GASK1A: variants seen among roughly 807,000 people sequenced by gnomAD.
The protein encoded by GASK1A is Golgi-associated kinase 1A.
GASK1A carries 40 observed loss-of-function variants against 41.2 expected under a neutral mutation model. That is an observed-to-expected ratio of 0.97 (90% CI 0.75 to 1.27). GASK1A has a LOEUF of 1.27. Ranked by LOEUF, GASK1A falls within the 50% of genes most tolerant of loss-of-function variation. The pLI, the probability that GASK1A is intolerant of heterozygous loss-of-function variation, is 0.00. For missense variants in GASK1A, 678 were observed against 745.1 expected (o/e 0.91, Z 1.05); for synonymous variants, 316 against 307.1 (o/e 1.03, Z -0.30).
At chr3:43,055,572 C>T in intron 4 of GASK1A, 37 bp downstream of exon 4, 4 of 1,432,922 alleles carry the variant, frequency 2.8e-6, no homozygotes, top group Non-Finnish European at 3.8e-6. Flanking sequence ...GTTCATGGGA[C>T]TGAGACCTGA....
At chr3:43,046,388 T>C (rs946118614) in intron 2 of GASK1A, among the ~76,000 whole-genome samples, 5 of 152,312 alleles carry the variant, frequency 3.3e-5, no homozygotes, top group Admixed American at 2.6e-4. Flanking sequence ...CTGTGGAACT[T>C]TGAACTTGAG....
chr3:43,023,772 A>G (rs1418080489), intron 1 of GASK1A, among the ~76,000 whole-genome samples: 2 of 152,224 alleles, frequency 1.3e-5, no homozygotes, highest in Non-Finnish European at 1.5e-5. Flanking sequence ...TATAGAAAAG[A>G]GGCTCAGACC....
chr3:43,034,596 G>T (rs2089595966), intron 2 of GASK1A, among the ~76,000 whole-genome samples: 1 of 152,208 alleles, frequency 6.6e-6, no homozygotes, highest in Admixed American at 6.5e-5. Flanking sequence ...AGAGACCCCT[G>T]TTGAAGAAAA....
chr3:43,022,520 C>T (rs1349905829), intron 1 of GASK1A, among the ~76,000 whole-genome samples: 2 of 151,768 alleles, frequency 1.3e-5, no homozygotes, highest in Non-Finnish European at 1.5e-5. Context: ...GCCAACTTGT[C>T]CATGGCCATT....
intron 1 of GASK1A, among the ~76,000 whole-genome samples, chr3:42,999,914 T>A (rs2089400390): frequency 6.6e-6 from 1 of 152,198 alleles, no homozygotes; most frequent in African/African-American, 2.4e-5. Context: ...CATTCTAGTC[T>A]CCGCTTTCAT....
chr3:43,056,530 G>A lies in GASK1A; in HGVS notation c.*144G>A. 1.4e-6 allele frequency: 1 copy of A among 704,246 alleles called. No homozygotes were observed. The highest frequency in any genetic ancestry group is 2.3e-6 in the Non-Finnish European group (1 of 434,654). The allele number at this position is 704,246 out of a possible 1,614,324, so 43.6% of individuals were successfully genotyped here. A position where few individuals can be genotyped will look rare whatever the true frequency, so the allele number is the denominator to read the frequency against. ...GATATTTCACCTGCCTGGGATGGTGGAGGTAGTATGGGGTTTTCAATCTCA... is the reference window on the plus strand; with the variant it reads ...GATATTTCACCTGCCTGGGATGGTGAAGGTAGTATGGGGTTTTCAATCTCA... On this transcript the variant is annotated 3_prime_UTR_variant, in exon 5 of 5. Coordinates refer to ENST00000430121, the MANE Select transcript of GASK1A (RefSeq NM_001129908.3).
intron 1 of GASK1A, among the ~76,000 whole-genome samples, chr3:42,987,863 G>A (rs377283357): frequency 2.0e-5 from 3 of 152,006 alleles, no homozygotes; most frequent in East Asian, 1.9e-4. Context: ...GCTGGGCATG[G>A]TGGTGGGTGC....
At chr3:43,014,859 G>A (rs1263849646) in intron 1 of GASK1A, among the ~76,000 whole-genome samples, 1 of 152,166 alleles carries the variant, frequency 6.6e-6, no homozygotes, top group East Asian at 1.9e-4. Context: ...GGGGCTGTGT[G>A]AAGCCAAAGG....
At chr3:43,040,810 A>C (rs1038500499) in intron 2 of GASK1A, among the ~76,000 whole-genome samples, 4 of 150,652 alleles carry the variant, frequency 2.7e-5, no homozygotes, top group African/African-American at 4.9e-5. Flanking sequence ...TATACATGTG[A>C]CATGCTGGTG....
At chr3:43,023,967 G>A (rs1041951038) in intron 1 of GASK1A, among the ~76,000 whole-genome samples, 4 of 152,206 alleles carry the variant, frequency 2.6e-5, no homozygotes, top group African/African-American at 9.6e-5. Flanking sequence ...GGGACCGGCA[G>A]TACACAGGAG....
chr3:42,982,397 A>G (rs1300660403), intron 1 of GASK1A, among the ~76,000 whole-genome samples: 1 of 152,220 alleles, frequency 6.6e-6, no homozygotes, highest in Non-Finnish European at 1.5e-5. Flanking sequence ...AGGAACCATG[A>G]TTATCATTTT....
At chr3:42,992,961 A>G (rs1044665768) in intron 1 of GASK1A, among the ~76,000 whole-genome samples, 11 of 152,202 alleles carry the variant, frequency 7.2e-5, no homozygotes, top group African/African-American at 2.7e-4. Context: ...GCCTTATTTG[A>G]GCAGTTTGAA....
At chr3:43,026,207 G>A (rs1390112918) in intron 1 of GASK1A, among the ~76,000 whole-genome samples, 1 of 152,216 alleles carries the variant, frequency 6.6e-6, no homozygotes, top group Admixed American at 6.5e-5. Flanking sequence ...AGGACACTGT[G>A]ATACATAAAG....
chr3:43,033,061 G>A lies in GASK1A; in HGVS notation c.798G>A (p.Val266=), dbSNP rs2089586900. 2.6e-6 allele frequency: 4 copies of A among 1,551,588 alleles called. No homozygotes were observed. Among genetic ancestry groups the A allele is most frequent in the Non-Finnish European group, 3.5e-6 (4 of 1,146,994 alleles). ...QAPPWLTDHD[V]QMLRLLAQGE... The stretch of plus-strand genomic sequence containing the variant: ...CCCCATGGCTGACAGACCACGATGT[G>A]CAGATGCTCCGTCTGTTGGCACAGG... The change falls in exon 2 of 5, where the codon GTG becomes GTA. Residue 266 remains valine (V), a synonymous_variant. Transcript: ENST00000430121.
rs113308546 is a variant in GASK1A at position 43,057,479 on chromosome 3, G to GC, written c.*1093_*1094insC. ...AACACTTGGCATTCTCAGACTTTTG[G>GC]GTTTTTTTTGGCCTATTTAGGAGGA... is the stretch of plus-strand genomic sequence containing the variant. On this transcript the variant is annotated 3_prime_UTR_variant, in exon 5 of 5. Transcript: ENST00000430121. The GC allele has an allele frequency of 7.3e-5, 11 of 151,320 alleles. No individual in the cohort carries two copies. In the South Asian group the frequency reaches 2.3e-3, roughly 32 times the overall value. 9.4% of individuals were successfully genotyped at this position (151,320 alleles called of 1,614,324 possible). A position where few individuals can be genotyped will look rare whatever the true frequency, so the allele number is the denominator to read the frequency against.
chr3:42,982,754 C>G lies in GASK1A; in HGVS notation c.3+3109C>G, dbSNP rs533099697. Among the ~76,000 whole-genome samples, 22 of 152,314 alleles carry G rather than the reference C, an allele frequency of 1.4e-4. No individual in the cohort carries two copies. In the East Asian group the frequency reaches 4.2e-3, roughly 29 times the overall value. On this transcript the variant is annotated intron_variant, in intron 1 of 4. Coordinates refer to ENST00000430121, the MANE Select transcript of GASK1A (RefSeq NM_001129908.3). ...GCTCCGGCCTCTTTCTCTATCCAAGCTCTTACTGTAACTACCCTCCCAGGG... is the reference window on the plus strand; with the variant it reads ...GCTCCGGCCTCTTTCTCTATCCAAGGTCTTACTGTAACTACCCTCCCAGGG...
intron 2 of GASK1A, chr3:43,037,328 A>G: frequency 2.3e-6 from 2 of 883,442 alleles, no homozygotes; most frequent in Non-Finnish European, 3.9e-6. Flanking sequence ...GCCACTCTGA[A>G]AGTGCCTTGA....
At chr3:43,046,728 C>T (rs1326145107) in intron 2 of GASK1A, among the ~76,000 whole-genome samples, 3 of 152,326 alleles carry the variant, frequency 2.0e-5, no homozygotes, top group Admixed American at 2.0e-4. Context: ...CATCTCATCA[C>T]AGGTCCAAAG....
intron 1 of GASK1A, among the ~76,000 whole-genome samples, chr3:43,026,325 G>T (rs1193118035): frequency 6.6e-6 from 1 of 152,160 alleles, no homozygotes; most frequent in Non-Finnish European, 1.5e-5. Flanking sequence ...TTCCACCGGG[G>T]TTCTACAGGA....
Sources: allele counts gnomAD v4.1 joint callset (sites outside exome capture counted in the v4.1 genomes callset), GRCh38; gene constraint gnomAD v4.1.1; transcripts MANE v1.5; gene names NCBI Gene and HGNC (gene_info 2026-07-23, HGNC 2026-07-21).